STIM1: variants seen among roughly 807,000 people sequenced by gnomAD.
STIM1 encodes the protein stromal interaction molecule 1.
In STIM1, 25 loss-of-function variants were observed where a neutral mutation model predicts 74.7. The observed-to-expected ratio is 0.33, with a 90% CI of 0.24 to 0.47. The LOEUF is 0.47. STIM1 is among the 20% of genes least tolerant of loss of function. The probability of loss-of-function intolerance (pLI) is 1.00; values close to 1 mark genes in which losing one functional copy is unlikely to be tolerated. For synonymous variants in STIM1, 328 were observed against 348.8 expected, an observed-to-expected ratio of 0.94 and a Z score of 0.66; for missense variants, 728 against 920.8, an observed-to-expected ratio of 0.79 and a Z score of 2.71.
chr11:3,973,401 T>G (rs1278087846), intron 2 of STIM1: 2 of 386,090 alleles, frequency 5.2e-6, no homozygotes, highest in Non-Finnish European at 1.0e-5. Flanking sequence ...AGTATGGTAT[T>G]TCTTTTTTTT....
At chr11:3,914,530 CTCT>C (rs2092613577) in intron 1 of STIM1, among the ~76,000 whole-genome samples, 1 of 152,172 alleles carries the variant, frequency 6.6e-6, no homozygotes, top group Non-Finnish European at 1.5e-5. Flanking sequence ...CAATCTCTGC[CTCT>C]TGGGTTCAAA....
At chr11:3,975,109 T>G (rs531879568) in intron 2 of STIM1, among the ~76,000 whole-genome samples, 9 of 152,356 alleles carry the variant, frequency 5.9e-5, no homozygotes, top group Admixed American at 1.3e-4. Context: ...GTTCTAGTGA[T>G]CTGTATGTCA....
intron 1 of STIM1, among the ~76,000 whole-genome samples, chr11:3,947,037 A>G (rs2093084353): frequency 6.7e-6 from 1 of 150,130 alleles, no homozygotes; most frequent in Admixed American, 6.6e-5. Context: ...AAAACTAAGT[A>G]TGTTGGCTTG....
chr11:3,959,153 C>T (rs866913753), intron 1 of STIM1, among the ~76,000 whole-genome samples: 11 of 152,070 alleles, frequency 7.2e-5, no homozygotes, highest in Admixed American at 2.6e-4. Flanking sequence ...GGATTCTAAT[C>T]CCATCAAGAG....
At chr11:4,043,799 G>T (rs922168991) in intron 3 of STIM1, among the ~76,000 whole-genome samples, 1 of 151,760 alleles carries the variant, frequency 6.6e-6, no homozygotes, top group African/African-American at 2.4e-5. Context: ...GGCGGATCAC[G>T]AGGTCAGGAG....
intron 1 of STIM1, among the ~76,000 whole-genome samples, chr11:3,950,317 A>G (rs10835359): frequency 0.27 from 40,753 of 151,736 alleles, 6,068 homozygotes; most frequent in South Asian, 0.45. Flanking sequence ...TATTTTTAGC[A>G]GAGACGGGGT....
intron 1 of STIM1, among the ~76,000 whole-genome samples, chr11:3,928,855 T>A (rs1309791093): frequency 6.6e-6 from 1 of 152,106 alleles, no homozygotes; most frequent in African/African-American, 2.4e-5. Context: ...ATGATTCTTG[T>A]TAAATTTTCT....
chr11:4,038,133 C>T (rs980433109), intron 3 of STIM1, among the ~76,000 whole-genome samples: 3 of 150,858 alleles, frequency 2.0e-5, no homozygotes, highest in Non-Finnish European at 4.4e-5. Flanking sequence ...CTCTTGGGTT[C>T]AAGAGATTCT....
At chr11:3,902,072 A>G (rs2092363971) in intron 1 of STIM1, among the ~76,000 whole-genome samples, 2 of 152,206 alleles carry the variant, frequency 1.3e-5, no homozygotes, top group Non-Finnish European at 2.9e-5. Flanking sequence ...CTGGCCCCCA[A>G]CATTTCTTAA....
At chr11:3,985,570 A>T (rs994691474) in intron 2 of STIM1, among the ~76,000 whole-genome samples, 1 of 152,230 alleles carries the variant, frequency 6.6e-6, no homozygotes, top group African/African-American at 2.4e-5. Flanking sequence ...GTAAAAGCAG[A>T]GCCAGAAATG....
At position 4,074,492 on chromosome 11, in the gene STIM1, G is replaced by GC. The variant is rs764247879; in HGVS notation, c.792-3dup. On this transcript the variant is annotated splice_polypyrimidine_tract_variant and intron_variant, in intron 6 of 12. Transcript: ENST00000526596. ...CTGGCCTCCTCCAGCTCCCTGCATT[G>GC]CCCCCCCAGGCTGCACAAGGCCCAG... 173 of 1,612,664 alleles carry GC rather than the reference G, an allele frequency of 1.1e-4. No individual in the cohort carries two copies. The Middle Eastern group carries it at 2.0e-3, about 19-fold the overall frequency.
At chr11:3,906,970 C>G (rs2092475293) in intron 1 of STIM1, among the ~76,000 whole-genome samples, 1 of 152,080 alleles carries the variant, frequency 6.6e-6, no homozygotes, top group Non-Finnish European at 1.5e-5. Flanking sequence ...AAATTGGTAC[C>G]TTTACTACTT....
At chr11:3,986,663 G>A (rs2093560658) in intron 2 of STIM1, among the ~76,000 whole-genome samples, 1 of 152,082 alleles carries the variant, frequency 6.6e-6, no homozygotes, top group Non-Finnish European at 1.5e-5. Flanking sequence ...GAGCATTCCA[G>A]GAAAGGGGAA....
chr11:4,024,878 G>A (rs2093986318), intron 3 of STIM1, among the ~76,000 whole-genome samples: 1 of 152,066 alleles, frequency 6.6e-6, no homozygotes, highest in Non-Finnish European at 1.5e-5. Flanking sequence ...GGGAAAACAG[G>A]GCTTTAGCTT....
intron 1 of STIM1, among the ~76,000 whole-genome samples, chr11:3,872,382 A>T (rs1445958951): frequency 6.6e-6 from 1 of 152,134 alleles, no homozygotes; most frequent in Non-Finnish European, 1.5e-5. Context: ...GACAACAGGA[A>T]AAGTGTGGCT....
chr11:4,005,690 G>T (rs1053760583), intron 2 of STIM1, among the ~76,000 whole-genome samples: 2 of 151,620 alleles, frequency 1.3e-5, no homozygotes, highest in African/African-American at 4.8e-5. Context: ...ATAACTAACC[G>T]GCACATTGTG....
At chr11:3,957,056 A>G (rs1391407990) in intron 1 of STIM1, among the ~76,000 whole-genome samples, 1 of 152,106 alleles carries the variant, frequency 6.6e-6, no homozygotes, top group East Asian at 1.9e-4. Context: ...GAATAAATAT[A>G]TCATGTGTCA....
chr11:3,899,146 G>A (rs1403473855), intron 1 of STIM1, among the ~76,000 whole-genome samples: 2 of 152,184 alleles, frequency 1.3e-5, no homozygotes, highest in Admixed American at 6.5e-5. Flanking sequence ...TCCTACCCAT[G>A]AGCATGGAAT....
intron 1 of STIM1, among the ~76,000 whole-genome samples, chr11:3,910,685 TTAAAAC>T (rs1462183492): frequency 2.0e-5 from 3 of 151,934 alleles, no homozygotes; most frequent in Non-Finnish European, 4.4e-5. Context: ...CAATAAAAGA[TTAAAAC>T]TAAAAACAGG....
Sources: allele counts gnomAD v4.1 joint callset (sites outside exome capture counted in the v4.1 genomes callset), GRCh38; gene constraint gnomAD v4.1.1; transcripts MANE v1.5; gene names NCBI Gene and HGNC (gene_info 2026-07-23, HGNC 2026-07-21).